BTRC: variants seen among roughly 807,000 people sequenced by gnomAD.
BTRC encodes the protein beta-transducin repeat containing E3 ubiquitin protein ligase.
Under a neutral mutation model 85.5 loss-of-function variants are expected in BTRC, and 42 were observed. That is an observed-to-expected ratio of 0.49 (90% CI 0.38 to 0.64). The LOEUF is 0.64. BTRC is among the 30% of genes least tolerant of loss of function. BTRC has a pLI of 0.00. For synonymous variants in BTRC, 255 were observed against 263.3 expected (o/e 0.97, Z 0.30); for missense variants, 594 against 743.5 (o/e 0.80, Z 2.34).
At chr10:101,398,056 A>C (rs1943407686) in intron 1 of BTRC, among the ~76,000 whole-genome samples, 1 of 152,216 alleles carries the variant, frequency 6.6e-6, no homozygotes, top group Non-Finnish European at 1.5e-5. Context: ...TTTGTTCAGC[A>C]GCTGGCTGCT....
intron 4 of BTRC, among the ~76,000 whole-genome samples, chr10:101,489,289 C>CT (rs1254966597): frequency 5.9e-5 from 9 of 152,040 alleles, no homozygotes; most frequent in Admixed American, 4.6e-4. Flanking sequence ...ATAAAAGCAA[C>CT]CCAGACAACT....
At chr10:101,516,545 A>G (rs903267542) in intron 4 of BTRC, among the ~76,000 whole-genome samples, 1 of 152,212 alleles carries the variant, frequency 6.6e-6, no homozygotes, top group Admixed American at 6.5e-5. Context: ...ACTAAAATGT[A>G]TACCAGCTAG....
At chr10:101,408,040 A>T (rs953773567) in intron 1 of BTRC, among the ~76,000 whole-genome samples, 1 of 152,182 alleles carries the variant, frequency 6.6e-6, no homozygotes, top group African/African-American at 2.4e-5. Flanking sequence ...ATTTCAAAAT[A>T]TAATTAATAT....
intron 1 of BTRC, among the ~76,000 whole-genome samples, chr10:101,426,446 G>C (rs938503065): frequency 6.6e-6 from 1 of 152,052 alleles, no homozygotes; most frequent in African/African-American, 2.4e-5. Flanking sequence ...AAATCACACC[G>C]GTATATCTAG....
At chr10:101,505,149 A>ATGTATG (rs1946495986) in intron 4 of BTRC, among the ~76,000 whole-genome samples, 1 of 74,056 alleles carries the variant, frequency 1.4e-5, no homozygotes, top group South Asian at 5.8e-4. Flanking sequence ...GTATATATAT[A>ATGTATG]TGTATATGTA....
At chr10:101,414,726 G>A (rs944269886) in intron 1 of BTRC, 1 of 474,826 alleles carries the variant, frequency 2.1e-6, no homozygotes, top group South Asian at 1.6e-5. Flanking sequence ...TGTGGGCCTA[G>A]GCTAATGTAA....
chr10:101,392,318 A>G (rs1223617422), intron 1 of BTRC, among the ~76,000 whole-genome samples: 1 of 152,146 alleles, frequency 6.6e-6, no homozygotes, highest in East Asian at 1.9e-4. Context: ...GTTTTTTGCA[A>G]TATGCCCAAA....
intron 1 of BTRC, among the ~76,000 whole-genome samples, chr10:101,366,161 A>G (rs1279785494): frequency 6.6e-6 from 1 of 152,182 alleles, no homozygotes; most frequent in Admixed American, 6.6e-5. Context: ...GTGCTGGAGT[A>G]CCACATTTTC....
chr10:101,354,102 A>C, upstream of BTRC: 1 of 1,499,004 alleles, frequency 6.7e-7, no homozygotes, highest in East Asian at 2.5e-5. Context: ...AGGAGGCGGG[A>C]TCCGGGCGCT....
chr10:101,381,557 A>G (rs1342571619), intron 1 of BTRC, among the ~76,000 whole-genome samples: 8 of 152,164 alleles, frequency 5.3e-5, no homozygotes. Context: ...TGCACCTTAG[A>G]GTAGGTATTT....
intron 4 of BTRC, among the ~76,000 whole-genome samples, chr10:101,519,135 A>G (rs2062065247): frequency 1.3e-5 from 2 of 148,552 alleles, no homozygotes; most frequent in South Asian, 4.3e-4. Flanking sequence ...CTGGAGTGCA[A>G]TGGCGTGATC....
At chr10:101,547,328 C>CTTTTTTTTTTTTTTTTT (rs71016332) in intron 13 of BTRC, among the ~76,000 whole-genome samples, 1 of 79,634 alleles carries the variant, frequency 1.3e-5, no homozygotes, top group Non-Finnish European at 2.4e-5. Context: ...TATGGTTTTT[C>CTTTTTTTTTTTTTTTTT]TTTTTTTTTT....
intron 1 of BTRC, among the ~76,000 whole-genome samples, chr10:101,427,315 A>G (rs1446366031): frequency 6.6e-6 from 1 of 150,970 alleles, no homozygotes; most frequent in Non-Finnish European, 1.5e-5. Context: ...ATGGGGTTTC[A>G]CCGTGTTGGC....
At chr10:101,404,030 A>ATATATATATATATAT (rs1232082481) in intron 1 of BTRC, among the ~76,000 whole-genome samples, 1 of 25,434 alleles carries the variant, frequency 3.9e-5, no homozygotes, top group African/African-American at 1.9e-4. Context: ...ATATATATAT[A>ATATATATATATATAT]TTTTTTTTTT....
intron 13 of BTRC, among the ~76,000 whole-genome samples, chr10:101,541,496 G>A (rs553394296): frequency 2.6e-5 from 4 of 151,992 alleles, no homozygotes; most frequent in African/African-American, 9.7e-5. Flanking sequence ...TCCTGACCTC[G>A]TGATCCAGCC....
chr10:101,508,313 T>G (rs1167881825), intron 4 of BTRC, among the ~76,000 whole-genome samples: 1 of 152,218 alleles, frequency 6.6e-6, no homozygotes, highest in Non-Finnish European at 1.5e-5. Flanking sequence ...TCTTGTTGGT[T>G]ATTAGAAATC....
chr10:101,491,459 C>T (rs1946131474), intron 4 of BTRC, among the ~76,000 whole-genome samples: 1 of 152,272 alleles, frequency 6.6e-6, no homozygotes, highest in East Asian at 1.9e-4. Flanking sequence ...CTTTGGGAGG[C>T]TGAGGTGGGA....
intron 2 of BTRC, among the ~76,000 whole-genome samples, chr10:101,443,581 T>C (rs1420632519): frequency 3.3e-5 from 5 of 152,216 alleles, no homozygotes; most frequent in Non-Finnish European, 5.9e-5. Context: ...ATTAAAGATA[T>C]AGAAACAAGT....
chr10:101,382,459 C>G (rs1942960340), intron 1 of BTRC, among the ~76,000 whole-genome samples: 1 of 150,794 alleles, frequency 6.6e-6, no homozygotes, highest in South Asian at 2.1e-4. Flanking sequence ...TTGTTTTTGT[C>G]TGATTGTTTT....
Sources: allele counts gnomAD v4.1 joint callset (sites outside exome capture counted in the v4.1 genomes callset), GRCh38; gene constraint gnomAD v4.1.1; transcripts MANE v1.5; gene names NCBI Gene and HGNC (gene_info 2026-07-23, HGNC 2026-07-21).